Variants in CENPF observed in about 807,000 individuals in gnomAD.
CENPF encodes the protein AH antigen.
CENPF carries 214 observed loss-of-function variants against 307.3 expected under a neutral mutation model. The ratio of observed to expected loss-of-function variants is 0.70; its 90% CI spans 0.62 to 0.78. The LOEUF (loss-of-function observed/expected upper bound fraction) is 0.78, where lower values mean the gene tolerates loss of function less well. Ranked by LOEUF, CENPF falls within the 30% of genes least tolerant of loss-of-function variation. The pLI, the probability that CENPF is intolerant of heterozygous loss-of-function variation, is 0.00. For synonymous variants in CENPF, 1,259 were observed against 1,270.6 expected, an observed-to-expected ratio of 0.99 and a Z score of 0.19; for missense variants, 3,401 against 3,483.9, an observed-to-expected ratio of 0.98 and a Z score of 0.60.
At chr1:214,608,736 A>C in intron 1 of CENPF, 1 of 1,597,972 alleles carries the variant, frequency 6.3e-7, no homozygotes, top group East Asian at 2.2e-5. Flanking sequence ...TCACCAAGGA[A>C]TAGGTGGCCT....
At chr1:214,627,295 G>A (rs1657681749) in intron 7 of CENPF, among the ~76,000 whole-genome samples, 1 of 151,582 alleles carries the variant, frequency 6.6e-6, no homozygotes, top group African/African-American at 2.4e-5. Context: ...CTAGGCTCGA[G>A]CAGTTTGCCC....
At chr1:214,634,596 A>G (rs966474806) in intron 10 of CENPF, among the ~76,000 whole-genome samples, 20 of 152,238 alleles carry the variant, frequency 1.3e-4, no homozygotes, top group Admixed American at 1.1e-3. Flanking sequence ...TGCTTAGCCC[A>G]GTGCCCAGCA....
Position 214,640,759 on chromosome 1 carries a change from G to T in CENPF, c.2421G>T (p.Met807Ile), listed in dbSNP as rs1658088705. 3 of 1,613,958 alleles carry T rather than the reference G, an allele frequency of 1.9e-6. No individual in the cohort carries two copies. The highest frequency in any genetic ancestry group is 2.2e-5 in the East Asian group (1 of 44,882). ...FANIIGEQGS[M>I]PSERSECRLE... is the part of the protein sequence containing the mutation. The stretch of plus-strand genomic sequence containing the variant: ...ATATAATTGGAGAACAAGGAAGCAT[G>T]CCTTCAGAGAGGAGTGAATGTCGTT... The change falls in exon 12 of 20, where the codon ATG (methionine) becomes ATT (isoleucine). Residue 807 changes from methionine to isoleucine, a missense_variant. Met to Ile is a conservative substitution (Grantham distance 10). Transcript: ENST00000366955.
chr1:214,651,938 T>C, intron 15 of CENPF, 52 bp downstream of exon 15: 11 of 1,433,602 alleles, frequency 7.7e-6, no homozygotes, highest in Non-Finnish European at 1.0e-5. Flanking sequence ...ATTTTGATCA[T>C]GGTAAGGCTT....
chr1:214,630,306 T>C (rs17736682), intron 8 of CENPF, among the ~76,000 whole-genome samples: 4,592 of 152,272 alleles, frequency 0.03, 105 homozygotes, highest in Middle Eastern at 0.088. Flanking sequence ...TTCCATGTGG[T>C]CAACTGATAA....
chr1:214,620,189 T>A (rs1375915855), intron 5 of CENPF, among the ~76,000 whole-genome samples: 2 of 152,188 alleles, frequency 1.3e-5, no homozygotes, highest in African/African-American at 4.8e-5. Flanking sequence ...TATTAAACAC[T>A]CGATGTGACT....
chr1:214,658,138 A>C (rs1223838140), intron 18 of CENPF, among the ~76,000 whole-genome samples: 1 of 152,046 alleles, frequency 6.6e-6, no homozygotes, highest in African/African-American at 2.4e-5. Flanking sequence ...CTAGCCCAAA[A>C]ATAGTTATCT....
chr1:214,637,958 A>G lies in CENPF; in HGVS notation c.1539A>G (p.Lys513=). ...TGGAGGCAGAACTCAAGAACATCAA[A>G]CAGTGTTTAAATCAGAGCCAGAATT... ...CHLEAELKNI[K]QCLNQSQNFA... Residue 513 remains lysine (K), a synonymous_variant, in exon 11 of 20, where the codon AAA becomes AAG. Transcript: ENST00000366955. 6.2e-7 allele frequency: 1 copy of G among 1,613,312 alleles called. No individual in the cohort carries two copies. The highest frequency in any genetic ancestry group is 8.5e-7 in the Non-Finnish European group (1 of 1,179,870).
chr1:214,630,481 A>G, intron 8 of CENPF, 53 bp from the exon 9 acceptor site: 1 of 1,606,532 alleles, frequency 6.2e-7, no homozygotes, highest in South Asian at 1.1e-5. Context: ...CTCACCCTGG[A>G]GTCTCCCTAG....
rs764134401 is a variant in CENPF, at chr1:214,646,372, C to A, written c.6802C>A (p.Leu2268Ile). 6 of 1,614,018 alleles carry A rather than the reference C, an allele frequency of 3.7e-6. No individual in the cohort carries two copies. The East Asian group carries it at 6.7e-5, about 18-fold the overall frequency. The part of the protein sequence containing the change: ...VEMLQNQLKE[L>I]NEAVAALCGD... ...GATGCTTCAGAATCAGTTAAAGGAG[C>A]TAAATGAGGCAGTAGCAGCCTTGTG... The change falls in exon 13 of 20, where the codon CTA (leucine) becomes ATA (isoleucine). Residue 2268 changes from leucine to isoleucine, a missense_variant. By Grantham distance (5) the Leu-to-Ile change is conservative. Transcript: ENST00000366955.
intron 1 of CENPF, chr1:214,608,958 C>G: frequency 1.0e-6 from 1 of 1,002,172 alleles, no homozygotes; most frequent in South Asian, 2.2e-5. Context: ...GAGGGCGCCC[C>G]CCCAGCTACG....
chr1:214,640,638 T>C lies in CENPF; in HGVS notation c.2300T>C (p.Leu767Pro). 6.2e-7 allele frequency: 1 copy of C among 1,614,150 alleles called. No homozygotes were observed. The highest frequency in any genetic ancestry group is 8.5e-7 in the Non-Finnish European group (1 of 1,180,006). Residue 767 changes from leucine (L) to proline (P), a missense_variant, in exon 12 of 20, where the codon CTA (leucine) becomes CCA (proline). Leu to Pro is a moderately conservative substitution (Grantham distance 98, BLOSUM62 -3). Transcript: ENST00000366955. Reference protein sequence around the residue: ...HAEYESLRDLLKSKDASLVTN... With the variant: ...HAEYESLRDLPKSKDASLVTN... The stretch of plus-strand genomic sequence containing the variant: ...GAATATGAGAGCCTCAGGGATCTGC[T>C]AAAATCCAAAGATGCTTCTCTGGTG...
intron 1 of CENPF, chr1:214,605,725 C>G: frequency 6.3e-7 from 1 of 1,594,034 alleles, no homozygotes; most frequent in Non-Finnish European, 8.5e-7. Flanking sequence ...GCAGGCCCTC[C>G]AGGTACTGGC....
intron 16 of CENPF, among the ~76,000 whole-genome samples, chr1:214,654,628 G>A (rs1658581469): frequency 6.6e-6 from 1 of 151,806 alleles, no homozygotes; most frequent in Non-Finnish European, 1.5e-5. Context: ...TTCAGGTTGG[G>A]TTTTGCCTCT....
intron 17 of CENPF, 24 bp downstream of exon 17, chr1:214,655,427 A>G: frequency 6.5e-7 from 1 of 1,531,276 alleles, no homozygotes; most frequent in Non-Finnish European, 8.8e-7. Flanking sequence ...GGGGCACATC[A>G]ACTAGCCAGA....
chr1:214,617,311 G>A (rs1657386820), intron 3 of CENPF, among the ~76,000 whole-genome samples: 1 of 152,150 alleles, frequency 6.6e-6, no homozygotes, highest in South Asian at 2.1e-4. Context: ...GTCTCCCAAA[G>A]TGCTGGGATT....
At chr1:214,651,960 CAAAA>C in intron 15 of CENPF, 74 bp downstream of exon 15, 2 of 1,172,114 alleles carry the variant, frequency 1.7e-6, no homozygotes, top group Non-Finnish European at 2.3e-6. Context: ...TTTTTTTTTC[CAAAA>C]AAAATCAATA....
At position 214,635,079 on chromosome 1, in the gene CENPF, C is replaced by T. The variant is rs183046376; in HGVS notation, c.1446+2477C>T. The stretch of plus-strand genomic sequence containing the variant: ...TTGGGGTTAGGCAATAAAATACCAT[C>T]GTTTGACAGTCAAGATGAGGGAACA... On this transcript the variant is annotated intron_variant, in intron 10 of 19. Coordinates refer to ENST00000366955, the MANE Select transcript of CENPF (RefSeq NM_016343.4). Among the ~76,000 whole-genome samples, 20 of 152,232 alleles carry T rather than the reference C, an allele frequency of 1.3e-4. No homozygotes were observed. In the East Asian group the frequency reaches 2.3e-3, roughly 18 times the overall value.
At position 214,659,023 on chromosome 1, in the gene CENPF, C is replaced by G. The variant is rs138255905; in HGVS notation, c.9136C>G (p.Gln3046Glu). ...ACCAACAGCTGGTGGCAGCAGATCA[C>G]AAAAGGTAAACTACTGTCAACATCC... ...SKPTAGGSRS[Q>E]KVKVAQRSPV... is the part of the protein sequence containing the mutation. The change falls in exon 19 of 20, where the codon CAA becomes GAA. Residue 3046 changes from glutamine (Q) to glutamate (E), a missense_variant. By Grantham distance (29) the Gln-to-Glu change is conservative (BLOSUM62 2). Transcript: ENST00000366955. This position sits in a 1 kb window ranked among gnomAD's most constrained non-coding sequence, Gnocchi z 4.4. 1.9e-6 allele frequency: 3 copies of G among 1,613,976 alleles called. No homozygotes were observed. The highest frequency in any genetic ancestry group is 2.5e-6 in the Non-Finnish European group (3 of 1,179,952).
Sources: gnomAD v4.1 joint callset for allele counts (sites outside exome capture counted in the v4.1 genomes callset) on GRCh38, gnomAD v4.1.1 for gene constraint, Gnocchi (gnomAD v3.1) non-coding constraint, MANE v1.5 for transcripts, NCBI Gene and HGNC (gene_info 2026-07-23, HGNC 2026-07-21) for gene names.